Variants in RPL24 observed in about 807,000 individuals in gnomAD.
RPL24 encodes the protein ribosomal protein L24, also known as large ribosomal subunit protein eL24.
A neutral mutation model predicts 26.4 loss-of-function variants in RPL24; 7 were observed. The observed-to-expected ratio is 0.27, with a 90% CI of 0.15 to 0.50. The LOEUF (loss-of-function observed/expected upper bound fraction) is 0.50. Among genes scored for constraint, RPL24 ranks in the 20% least tolerant of loss-of-function variants. The pLI, the probability that RPL24 is intolerant of heterozygous loss-of-function variation, is 0.98. For missense variants in RPL24, 109 were observed against 194.9 expected, an observed-to-expected ratio of 0.56 and a Z score of 2.62; for synonymous variants, 67 against 65.2, an observed-to-expected ratio of 1.03 and a Z score of -0.13.
intron 5 of RPL24, 80 bp from the exon 6 acceptor site, chr3:101,681,295 A>G: frequency 1.0e-6 from 1 of 954,232 alleles, no homozygotes; most frequent in Non-Finnish European, 1.7e-6. Context: ...CAGATTGTTT[A>G]TGTAGCTTAG....
chr3:101,685,452 T>TCA (rs1937324215), intron 3 of RPL24, among the ~76,000 whole-genome samples: 1 of 152,130 alleles, frequency 6.6e-6, no homozygotes, highest in African/African-American at 2.4e-5. Flanking sequence ...AATGAACTAG[T>TCA]GTATGGTGGA....
At chr3:101,682,389 T>C in intron 5 of RPL24, 40 bp downstream of exon 5, 2 of 1,534,766 alleles carry the variant, frequency 1.3e-6, no homozygotes, top group Non-Finnish European at 1.8e-6. Context: ...AAAATTTTCC[T>C]GTTGTATTGT....
At chr3:101,684,704 A>G (rs563241767) in intron 3 of RPL24, among the ~76,000 whole-genome samples, 1 of 139,700 alleles carries the variant, frequency 7.2e-6, no homozygotes, top group East Asian at 2.2e-4. Flanking sequence ...ACTTGAGCCC[A>G]TAAGGTTGAG....
At chr3:101,681,556 A>T (rs972480184) in intron 5 of RPL24, 1 of 206,888 alleles carries the variant, frequency 4.8e-6, no homozygotes, top group African/African-American at 2.3e-5. Context: ...AGATAACCAT[A>T]GTAACTTTCA....
intron 3 of RPL24, 96 bp downstream of exon 3, chr3:101,685,722 A>T: frequency 1.6e-6 from 1 of 639,890 alleles, no homozygotes; most frequent in Non-Finnish European, 2.8e-6. Context: ...TCTTTCGCAT[A>T]CAGTCTGATT....
At position 101,686,691 on chromosome 3, in the gene RPL24, G is replaced by A. The variant is rs140820641; in HGVS notation, c.-15C>T. On this transcript the variant is annotated 5_prime_UTR_variant, in exon 1 of 6. Coordinates refer to ENST00000394077, the MANE Select transcript of RPL24 (RefSeq NM_000986.4). ...GCTTACTTCATGGCGACAGCTCCAC[G>A]GAAAGACAAAAGATGGCGAAAAGAA... 4.7e-4 allele frequency: 760 copies of A among 1,614,190 alleles called. 14 individuals carry two copies. The Admixed American group carries it at 0.012, about 25-fold the overall frequency.
At chr3:101,681,405 T>G in intron 5 of RPL24, 190 bp from the exon 6 acceptor site, 1 of 586,992 alleles carries the variant, frequency 1.7e-6, no homozygotes, top group South Asian at 2.1e-5. Flanking sequence ...AGACAAAGAC[T>G]AAGATACCCT....
At chr3:101,681,509 ACAGTG>A (rs1192017769) in intron 5 of RPL24, 1 of 344,792 alleles carries the variant, frequency 2.9e-6, no homozygotes, top group Non-Finnish European at 5.4e-6. Flanking sequence ...CAGTAACAGT[ACAGTG>A]TTTACTCAGC....
chr3:101,681,427 T>A (rs1937261083), intron 5 of RPL24: 1 of 558,024 alleles, frequency 1.8e-6, no homozygotes, highest in Non-Finnish European at 3.3e-6. Flanking sequence ...ACAGACTGGA[T>A]GAAATGAGAC....
At chr3:101,683,927 G>A (rs751695742) in intron 3 of RPL24, among the ~76,000 whole-genome samples, 1 of 151,998 alleles carries the variant, frequency 6.6e-6, no homozygotes, top group South Asian at 2.1e-4. Context: ...GCCCAGGCTG[G>A]TCTCTAACGC....
Position 101,682,839 on chromosome 3 carries a change from A to G in RPL24, c.261T>C (p.Leu87=). Residue 87 remains leucine, a synonymous_variant, in exon 4 of 6, where the codon CTT becomes CTC. Transcript: ENST00000394077. ...GATTCCTCTTGGCCATTATATCAGC[A>G]AGAGATGCACCAGTAATGGCCCTCT... ...KFQRAITGAS[L]ADIMAKRNQK... 6.2e-7 allele frequency: 1 copy of G among 1,613,806 alleles called. No individual in the cohort carries two copies. Among genetic ancestry groups the G allele is most frequent in the Non-Finnish European group, 8.5e-7 (1 of 1,179,850 alleles).
At chr3:101,686,275 C>T (rs1430259528) in intron 2 of RPL24, 1 of 593,558 alleles carries the variant, frequency 1.7e-6, no homozygotes, top group Non-Finnish European at 3.0e-6. Flanking sequence ...TTACATAAAC[C>T]CCTCCTGATG....
In RPL24 at chr3:101,684,776, CAAAAAAAAAAAAAAAAAAA is replaced by C. The variant is rs57278210; in HGVS notation, c.192+1023_192+1041del. 1.5e-3 allele frequency among the ~76,000 whole-genome samples: 78 copies of C among 53,214 alleles called. 2 individuals carry two copies. Among genetic ancestry groups the C allele is most frequent in the South Asian group, 5.2e-3 (5 of 956 alleles). 34.9% of individuals were successfully genotyped at this position (53,214 alleles called of 152,430 possible). A position where few individuals can be genotyped will look rare whatever the true frequency, so the allele number is the denominator to read the frequency against. On this transcript the variant is annotated intron_variant, in intron 3 of 5. Transcript: ENST00000394077. ...CTGAGCAACAGAGGACCTGTCTCCC[CAAAAAAAAAAAAAAAAAAA>C]AAAAAAAAAAAAAAAAAAGGTATAG...
At chr3:101,686,409 G>A (rs942996002) in intron 2 of RPL24, 73 bp downstream of exon 2, 3 of 1,365,254 alleles carry the variant, frequency 2.2e-6, no homozygotes, top group Non-Finnish European at 3.0e-6. Flanking sequence ...GAATAAACCC[G>A]CCTAAACCGA....
At chr3:101,682,698 CTT>C in intron 4 of RPL24, 71 bp downstream of exon 4, 1 of 1,450,856 alleles carries the variant, frequency 6.9e-7, no homozygotes, top group Non-Finnish European at 9.5e-7. Context: ...TATATGGTAA[CTT>C]TAATTACTGA....
chr3:101,686,447 A>C (rs1937343775), intron 2 of RPL24, 35 bp downstream of exon 2: 5 of 1,590,542 alleles, frequency 3.1e-6, no homozygotes, highest in Middle Eastern at 1.7e-4. Context: ...TCCTCGGAGT[A>C]CAAGAAGGTA....
At chr3:101,684,537 G>C (rs1937306207) in intron 3 of RPL24, among the ~76,000 whole-genome samples, 1 of 151,930 alleles carries the variant, frequency 6.6e-6, no homozygotes, top group Admixed American at 6.6e-5. Context: ...CCAGTACTTT[G>C]GGTGGCCAAG....
chr3:101,682,567 T>C (rs1199133889), intron 4 of RPL24, 75 bp from the exon 5 acceptor site: 10 of 1,288,340 alleles, frequency 7.8e-6, no homozygotes, highest in Non-Finnish European at 1.1e-5. Context: ...AGTTAGACTG[T>C]ACTGGACAAG....
chr3:101,684,776 CAAAAA>C lies in RPL24; in HGVS notation c.192+1037_192+1041del, dbSNP rs57278210. On this transcript the variant is annotated intron_variant, in intron 3 of 5. Coordinates refer to ENST00000394077, the MANE Select transcript of RPL24 (RefSeq NM_000986.4). ...CTGAGCAACAGAGGACCTGTCTCCC[CAAAAA>C]AAAAAAAAAAAAAAAAAAAAAAAAA... Among the ~76,000 whole-genome samples the C allele has an allele frequency of 5.2e-3, 276 of 53,112 alleles. 2 individuals are homozygous for C. Among genetic ancestry groups the C allele is most frequent in the Non-Finnish European group, 5.4e-3 (170 of 31,286 alleles). 34.8% of individuals were successfully genotyped at this position (53,112 alleles called of 152,430 possible).
Sources: allele counts gnomAD v4.1 joint callset (sites outside exome capture counted in the v4.1 genomes callset), GRCh38; gene constraint gnomAD v4.1.1; transcripts MANE v1.5; gene names NCBI Gene and HGNC (gene_info 2026-07-23, HGNC 2026-07-21).